The following MAP1B variants were observed in gnomAD, a reference collection of about 807,000 sequenced individuals.
MAP1B encodes the protein microtubule-associated protein 1B.
Under a neutral mutation model 176.1 loss-of-function variants are expected in MAP1B, and 12 were observed. That is an observed-to-expected ratio of 0.07 (90% CI 0.04 to 0.11). The LOEUF is 0.11. MAP1B is among the 10% of genes least tolerant of loss of function. The pLI is 1.00. For missense variants in MAP1B, 2,523 were observed against 2,990.5 expected, an observed-to-expected ratio of 0.84 and a Z score of 3.65; for synonymous variants, 1,044 against 1,135.0, an observed-to-expected ratio of 0.92 and a Z score of 1.61.
intron 4 of MAP1B, among the ~76,000 whole-genome samples, chr5:72,190,437 C>T (rs932416386): frequency 3.3e-5 from 5 of 152,234 alleles, no homozygotes; most frequent in African/African-American, 1.2e-4. Flanking sequence ...TGTTAAGCCA[C>T]ATCTCCCAAT....
chr5:72,181,344 G>A (rs1746762399), intron 2 of MAP1B, among the ~76,000 whole-genome samples: 1 of 151,948 alleles, frequency 6.6e-6, no homozygotes, highest in African/African-American at 2.4e-5. Context: ...ATCCTGAACT[G>A]CTTTATGTTT....
At position 72,199,615 on chromosome 5, in the gene MAP1B, C is replaced by T; in HGVS notation, c.6260C>T (p.Ser2087Phe). Residue 2087 changes from serine (S) to phenylalanine (F), a missense_variant, in exon 5 of 7, where the codon TCT (serine) becomes TTT (phenylalanine). Transcript: ENST00000296755. The surrounding 1 kb of genome is among the most constrained non-coding windows in gnomAD (Gnocchi z 4.2). ...RQDVDLCLVS[S>F]CEYKHPKTEL... The stretch of plus-strand genomic sequence containing the variant: ...GATGTCGATTTATGCCTCGTGTCCT[C>T]TTGTGAATACAAGCACCCCAAGACA... 3 of 1,614,164 alleles carry T rather than the reference C, an allele frequency of 1.9e-6. No homozygotes were observed. Among genetic ancestry groups the T allele is most frequent in the Non-Finnish European group, 2.5e-6 (3 of 1,180,040 alleles).
At chr5:72,119,643 G>A (rs1420762763) in intron 2 of MAP1B, among the ~76,000 whole-genome samples, 1 of 152,108 alleles carries the variant, frequency 6.6e-6, no homozygotes, top group Non-Finnish European at 1.5e-5. Flanking sequence ...GAGTAGCTGG[G>A]ACCATAGGTG....
At chr5:72,124,686 A>G (rs1561292017) in intron 2 of MAP1B, among the ~76,000 whole-genome samples, 1 of 152,334 alleles carries the variant, frequency 6.6e-6, no homozygotes, top group East Asian at 1.9e-4. Context: ...GCACTTTGCC[A>G]TTAATCTGGC....
intron 4 of MAP1B, among the ~76,000 whole-genome samples, chr5:72,187,973 T>C (rs1172822620): frequency 6.6e-6 from 1 of 152,212 alleles, no homozygotes; most frequent in Non-Finnish European, 1.5e-5. Context: ...AGCTCCTTTC[T>C]CAGAGGCTTC....
At chr5:72,123,046 G>C (rs1561291553) in intron 2 of MAP1B, among the ~76,000 whole-genome samples, 1 of 152,110 alleles carries the variant, frequency 6.6e-6, no homozygotes, top group South Asian at 2.1e-4. Context: ...TTCCTCTGGG[G>C]CAGTTTGTTC....
Position 72,199,748 on chromosome 5 carries a change from G to A in MAP1B, c.6393G>A (p.Pro2131=), listed in dbSNP as rs149330290. ...TCACTCAATCAGGGGGAGCCCCACCGCCTCCAGGAGGAAAGCAACAGGGCC... is the reference window on the plus strand; with the variant it reads ...TCACTCAATCAGGGGGAGCCCCACCACCTCCAGGAGGAAAGCAACAGGGCC... The part of the protein sequence containing the change: ...KPLTQSGGAP[P]PPGGKQQGRQ... The change falls in exon 5 of 7, where the codon CCG becomes CCA. Residue 2131 remains proline (P), a synonymous_variant. Coordinates refer to ENST00000296755, the MANE Select transcript of MAP1B (RefSeq NM_005909.5). This position sits in a 1 kb window ranked among gnomAD's most constrained non-coding sequence, Gnocchi z 4.2. 8.0e-5 allele frequency: 129 copies of A among 1,613,980 alleles called. No homozygotes were observed. The East Asian group carries it at 1.4e-3, about 18-fold the overall frequency.
chr5:72,129,408 T>G (rs922133976), intron 2 of MAP1B, among the ~76,000 whole-genome samples: 2 of 151,892 alleles, frequency 1.3e-5, no homozygotes, highest in African/African-American at 4.8e-5. Context: ...ATAGAAAAAA[T>G]TAGCCAGGCG....
rs1052844576 is a variant in MAP1B at position 72,208,888 on chromosome 5, A to T, written c.*3649A>T. ...AGTAATGATATTGTGAGTTAGGATA[A>T]TAACTTTTTTTTTTTGTGCTTCAGA... On this transcript the variant is annotated 3_prime_UTR_variant, in exon 7 of 7. Coordinates refer to ENST00000296755, the MANE Select transcript of MAP1B (RefSeq NM_005909.5). The T allele has an allele frequency of 6.6e-6, 1 of 151,812 alleles. No homozygotes were observed. The highest frequency in any genetic ancestry group is 1.5e-5 in the Non-Finnish European group (1 of 68,030). The allele number at this position is 151,812 out of a possible 1,614,324, so 9.4% of individuals were successfully genotyped here.
intron 1 of MAP1B, among the ~76,000 whole-genome samples, chr5:72,114,115 G>T (rs1317287585): frequency 1.3e-5 from 2 of 152,124 alleles, no homozygotes; most frequent in Non-Finnish European, 2.9e-5. Flanking sequence ...CCTGTATTTA[G>T]TGGACACACA....
chr5:72,156,617 CA>C (rs1746233215), intron 2 of MAP1B, among the ~76,000 whole-genome samples: 1 of 152,212 alleles, frequency 6.6e-6, no homozygotes, highest in African/African-American at 2.4e-5. Context: ...CTTTCCAATG[CA>C]GTTCCCATAT....
intron 2 of MAP1B, among the ~76,000 whole-genome samples, chr5:72,117,327 G>A (rs12697902): frequency 0.65 from 98,449 of 152,068 alleles, 32,517 homozygotes; most frequent in Middle Eastern, 0.73. Context: ...CAAAAAGTAT[G>A]ATTATTTCAA....
chr5:72,107,483 G>A lies in MAP1B; in HGVS notation c.-49G>A, dbSNP rs1002780271. Reference sequence around the variant, plus strand: ...TAATCCTTTCTCCTGCCGCAGTGGAGAGGAGCGGCCGGAGCGAGACACTTC... The same window carrying A: ...TAATCCTTTCTCCTGCCGCAGTGGAAAGGAGCGGCCGGAGCGAGACACTTC... On this transcript the variant is annotated 5_prime_UTR_variant, in exon 1 of 7. Transcript: ENST00000296755. The A allele has an allele frequency of 1.1e-5, 17 of 1,481,682 alleles. No homozygotes were observed. Among genetic ancestry groups the A allele is most frequent in the Admixed American group, 2.1e-5 (1 of 48,044 alleles). The allele number at this position is 1,481,682 out of a possible 1,614,324, so 91.8% of individuals were successfully genotyped here.
intron 2 of MAP1B, among the ~76,000 whole-genome samples, chr5:72,150,142 C>G (rs1443058518): frequency 3.3e-5 from 5 of 152,202 alleles, no homozygotes; most frequent in African/African-American, 1.2e-4. Context: ...AATATGTTGA[C>G]TTGGTGTGCA....
chr5:72,130,237 A>G (rs1183816803), intron 2 of MAP1B, among the ~76,000 whole-genome samples: 1 of 152,098 alleles, frequency 6.6e-6, no homozygotes, highest in African/African-American at 2.4e-5. Flanking sequence ...TTAAATAATC[A>G]TAGGGATACA....
At position 72,197,763 on chromosome 5, in the gene MAP1B, G is replaced by A. The variant is rs761164667; in HGVS notation, c.4408G>A (p.Glu1470Lys). The part of the protein sequence containing the change: ...GKSTDFAPIK[E>K]DFGQEKKTDD... ...AAGCACAGACTTTGCACCAATAAAAGAAGACTTTGGCCAAGAAAAGAAAAC... is the reference window on the plus strand; with the variant it reads ...AAGCACAGACTTTGCACCAATAAAAAAAGACTTTGGCCAAGAAAAGAAAAC... The change falls in exon 5 of 7, where the codon GAA becomes AAA. Residue 1470 changes from glutamate (E) to lysine (K), a missense_variant. Around this residue, in one of 4 missense-constraint regions of MAP1B, gnomAD observed 1,925 missense variants for 2,126.0 expected, o/e 0.91. Coordinates refer to ENST00000296755, the MANE Select transcript of MAP1B (RefSeq NM_005909.5). 1.9e-6 allele frequency: 3 copies of A among 1,614,070 alleles called. No homozygotes were observed. Among genetic ancestry groups the A allele is most frequent in the Non-Finnish European group, 2.5e-6 (3 of 1,180,008 alleles).
rs148978551 is a variant in MAP1B, at chr5:72,165,347, G to A, written c.287-18396G>A. On this transcript the variant is annotated intron_variant, in intron 2 of 6. Coordinates refer to ENST00000296755, the MANE Select transcript of MAP1B (RefSeq NM_005909.5). ...TATAGGAAGTTCCTAATATATATTT[G>A]TCAAATCAATGAATGAATGAATAGA... 2.8e-3 allele frequency among the ~76,000 whole-genome samples: 432 copies of A among 152,250 alleles called. 1 individual carries two copies. Among genetic ancestry groups the A allele is most frequent in the South Asian group, 7.2e-3 (35 of 4,828 alleles).
At chr5:72,172,824 T>A (rs745908722) in intron 2 of MAP1B, among the ~76,000 whole-genome samples, 1 of 152,200 alleles carries the variant, frequency 6.6e-6, no homozygotes, top group Non-Finnish European at 1.5e-5. Flanking sequence ...ATCATCTGTG[T>A]TTCTGGCCAA....
At chr5:72,202,032 CTT>C (rs1747343553) in intron 5 of MAP1B, among the ~76,000 whole-genome samples, 1 of 152,098 alleles carries the variant, frequency 6.6e-6, no homozygotes, top group South Asian at 2.1e-4. Flanking sequence ...TTTAAAAAAA[CTT>C]TTTTTGGACA....
Sources: gnomAD v4.1 joint callset for allele counts (sites outside exome capture counted in the v4.1 genomes callset) on GRCh38, gnomAD v4.1.1 for gene constraint, gnomAD v4.1.1 regional missense constraint, Gnocchi (gnomAD v3.1) non-coding constraint, MANE v1.5 for transcripts, NCBI Gene and HGNC (gene_info 2026-07-23, HGNC 2026-07-21) for gene names.